MLLT3: variants seen among roughly 807,000 people sequenced by gnomAD.
The protein encoded by MLLT3 is MLLT3 super elongation complex subunit.
MLLT3 carries 4 observed loss-of-function variants against 53.2 expected under a neutral mutation model. That is an observed-to-expected ratio of 0.08 (90% CI 0.04 to 0.17). The LOEUF (loss-of-function observed/expected upper bound fraction) is 0.17, where lower values mean the gene tolerates loss of function less well. Ranked by LOEUF, MLLT3 falls within the 10% of genes least tolerant of loss-of-function variation. MLLT3 has a pLI of 1.00. For missense variants in MLLT3, 569 were observed against 684.0 expected, an observed-to-expected ratio of 0.83 and a Z score of 1.87; for synonymous variants, 283 against 230.6, an observed-to-expected ratio of 1.23 and a Z score of -2.06.
chr9:20,541,950 C>T (rs747674380), intron 2 of MLLT3, among the ~76,000 whole-genome samples: 2 of 152,288 alleles, frequency 1.3e-5, no homozygotes, highest in African/African-American at 2.4e-5. Context: ...TATTTTGACC[C>T]CCTCCCATGA....
chr9:20,404,112 C>A (rs190946724), intron 5 of MLLT3, among the ~76,000 whole-genome samples: 1 of 152,268 alleles, frequency 6.6e-6, no homozygotes, highest in East Asian at 1.9e-4. Context: ...TGAACCACCG[C>A]GCCCAGTCAG....
chr9:20,576,950 G>C (rs1385401665), intron 2 of MLLT3, among the ~76,000 whole-genome samples: 1 of 152,058 alleles, frequency 6.6e-6, no homozygotes, highest in Admixed American at 6.6e-5. Context: ...GGACCAGTCT[G>C]GGCAATATAG....
chr9:20,514,777 A>C (rs1817861544), intron 2 of MLLT3, among the ~76,000 whole-genome samples: 1 of 152,034 alleles, frequency 6.6e-6, no homozygotes, highest in Admixed American at 6.6e-5. Context: ...ATGCCTCTCG[A>C]TTAAATCATT....
Position 20,591,287 on chromosome 9 carries a change from C to G in MLLT3, c.193+29367G>C, listed in dbSNP as rs117382573. On this transcript the variant is annotated intron_variant, in intron 2 of 10. Coordinates refer to ENST00000380338, the MANE Select transcript of MLLT3 (RefSeq NM_004529.4). ...TACAGCAGAGGTGCTGCAATTTGGG[C>G]ACTGGGGGTGCATTTAAAAATTCAC... 6.8e-4 allele frequency among the ~76,000 whole-genome samples: 103 copies of G among 152,262 alleles called. 5 individuals carry two copies. In the East Asian group the frequency reaches 0.018, roughly 26 times the overall value.
At chr9:20,501,313 T>G (rs758937175) in intron 2 of MLLT3, among the ~76,000 whole-genome samples, 5 of 152,222 alleles carry the variant, frequency 3.3e-5, no homozygotes, top group Non-Finnish European at 5.9e-5. Context: ...CCTTCTGCTA[T>G]GTGTGAGGTG....
intron 2 of MLLT3, among the ~76,000 whole-genome samples, chr9:20,602,116 T>A (rs546807636): frequency 1.0e-3 from 154 of 152,316 alleles, no homozygotes; most frequent in Middle Eastern, 3.4e-3. Flanking sequence ...CTCACGATAA[T>A]TTAAGAGTAC....
intron 2 of MLLT3, among the ~76,000 whole-genome samples, chr9:20,570,747 G>A (rs1012037733): frequency 1.4e-5 from 2 of 144,720 alleles, no homozygotes; most frequent in Admixed American, 6.7e-5. Flanking sequence ...TAGCAATACC[G>A]ATTGTTCTTC....
chr9:20,617,806 T>G (rs1446718234), intron 2 of MLLT3, among the ~76,000 whole-genome samples: 4 of 152,198 alleles, frequency 2.6e-5, no homozygotes, highest in Non-Finnish European at 4.4e-5. Context: ...CCCACCCATC[T>G]TTGTGACAGA....
At chr9:20,581,407 T>C (rs1283134917) in intron 2 of MLLT3, among the ~76,000 whole-genome samples, 2 of 152,298 alleles carry the variant, frequency 1.3e-5, no homozygotes, top group African/African-American at 4.8e-5. Flanking sequence ...TACTTTGATC[T>C]GCTAATTACA....
At chr9:20,466,051 GT>G (rs1277584386) in intron 2 of MLLT3, among the ~76,000 whole-genome samples, 1 of 152,112 alleles carries the variant, frequency 6.6e-6, no homozygotes, top group African/African-American at 2.4e-5. Flanking sequence ...TACAAAAAGG[GT>G]ATTTGTCCCA....
chr9:20,541,762 A>G (rs1205207507), intron 2 of MLLT3, among the ~76,000 whole-genome samples: 1 of 152,220 alleles, frequency 6.6e-6, no homozygotes, highest in African/African-American at 2.4e-5. Context: ...ATCCATTAGA[A>G]GCAACTCCTC....
At chr9:20,417,705 T>G (rs1476086559) in intron 4 of MLLT3, among the ~76,000 whole-genome samples, 5 of 152,186 alleles carry the variant, frequency 3.3e-5, no homozygotes, top group Non-Finnish European at 7.3e-5. Context: ...ATACAATATT[T>G]TCTCTCATCT....
At chr9:20,551,165 C>G (rs1483739947) in intron 2 of MLLT3, among the ~76,000 whole-genome samples, 1 of 152,200 alleles carries the variant, frequency 6.6e-6, no homozygotes, top group African/African-American at 2.4e-5. Flanking sequence ...TTGCCTTTAG[C>G]AGCCAGCAGA....
chr9:20,531,943 TTTTAG>T (rs1400183572), intron 2 of MLLT3, among the ~76,000 whole-genome samples: 8 of 152,066 alleles, frequency 5.3e-5, no homozygotes, highest in Middle Eastern at 3.4e-3. Flanking sequence ...AAAATTTTCA[TTTTAG>T]TTTAGACTAA....
At chr9:20,574,979 T>C (rs1032610778) in intron 2 of MLLT3, among the ~76,000 whole-genome samples, 1 of 152,242 alleles carries the variant, frequency 6.6e-6, no homozygotes, top group African/African-American at 2.4e-5. Context: ...CCAGGAATGG[T>C]TTCCATCTCA....
rs10601830 is a variant in MLLT3, at chr9:20,615,360, GAAAAAAAAAAAAAA to G, written c.193+5280_193+5293del. On this transcript the variant is annotated intron_variant, in intron 2 of 10. Transcript: ENST00000380338. Reference sequence around the variant, plus strand: ...CCTGGGTGACAGGGCCAGACCATGTGAAAAAAAAAAAAAAAAAAAAAAAAAAAAAAAAAAAAGAA... The same window carrying G: ...CCTGGGTGACAGGGCCAGACCATGTGAAAAAAAAAAAAAAAAAAAAAAGAA... 4.6e-3 allele frequency among the ~76,000 whole-genome samples: 226 copies of G among 48,700 alleles called. 1 individual carries two copies. Among genetic ancestry groups the G allele is most frequent in the African/African-American group, 0.014 (203 of 14,152 alleles). The allele number at this position is 48,700 out of a possible 152,430, so 31.9% of individuals were successfully genotyped here. A position where few individuals can be genotyped will look rare whatever the true frequency, so the allele number is the denominator to read the frequency against.
intron 2 of MLLT3, among the ~76,000 whole-genome samples, chr9:20,553,370 T>A (rs545711382): frequency 6.6e-6 from 1 of 152,316 alleles, no homozygotes; most frequent in South Asian, 2.1e-4. Flanking sequence ...TCACATTTAT[T>A]CGCAGATTCA....
At position 20,414,192 on chromosome 9, in the gene MLLT3, G is replaced by A. The variant is rs372545543; in HGVS notation, c.654C>T (p.Phe218=). ...SKDSREHKSA[F]KEPSRDHNKS... is the part of the protein sequence containing the mutation. ...TGTTGTGATCCCTGGAAGGTTCTTT[G>A]AAGGCACTTTTATGTTCTCTGGAGT... is the stretch of plus-strand genomic sequence containing the variant. The change falls in exon 5 of 11, where the codon TTC becomes TTT. Residue 218 remains phenylalanine (F), a synonymous_variant. Coordinates refer to ENST00000380338, the MANE Select transcript of MLLT3 (RefSeq NM_004529.4). 5.0e-6 allele frequency: 8 copies of A among 1,614,042 alleles called. No homozygotes were observed. The highest frequency in any genetic ancestry group is 6.8e-6 in the Non-Finnish European group (8 of 1,180,036).
At chr9:20,569,123 A>T (rs1819458945) in intron 2 of MLLT3, among the ~76,000 whole-genome samples, 1 of 152,172 alleles carries the variant, frequency 6.6e-6, no homozygotes, top group African/African-American at 2.4e-5. Flanking sequence ...GGAACAAATG[A>T]TTGTAAAAGG....
Sources: allele counts gnomAD v4.1 joint callset (sites outside exome capture counted in the v4.1 genomes callset), GRCh38; gene constraint gnomAD v4.1.1; transcripts MANE v1.5; gene names NCBI Gene and HGNC (gene_info 2026-07-23, HGNC 2026-07-21).